The following APBA2 variants were observed in gnomAD, a reference collection of about 807,000 sequenced individuals.
APBA2 encodes amyloid-beta A4 precursor protein-binding family A member 2.
Under a neutral mutation model 75.0 loss-of-function variants are expected in APBA2, and 30 were observed. That is an observed-to-expected ratio of 0.40 (90% CI 0.30 to 0.54). The LOEUF is 0.54. APBA2 is among the 20% of genes least tolerant of loss of function. The pLI, the probability that APBA2 is intolerant of heterozygous loss-of-function variation, is 0.49. For synonymous variants in APBA2, 444 were observed against 409.6 expected, an observed-to-expected ratio of 1.08 and a Z score of -1.01; for missense variants, 801 against 1,016.1, an observed-to-expected ratio of 0.79 and a Z score of 2.88.
At position 29,054,800 on chromosome 15, in the gene APBA2, A is replaced by G; in HGVS notation, c.916A>G (p.Thr306Ala). The G allele has an allele frequency of 6.2e-7, 1 of 1,601,238 alleles. No homozygotes were observed. The highest frequency in any genetic ancestry group is 1.1e-5 in the South Asian group (1 of 91,012). ...GAGAGGCTTCAAGCCCAAGACCAGG[A>G]CCCCAGAAGAGAGGCTGAAGTGGCC... ...PQRGFKPKTR[T>A]PEERLKWPHE... is the part of the protein sequence containing the mutation. Residue 306 changes from threonine to alanine, a missense_variant, in exon 4 of 15, where the codon ACC becomes GCC. By Grantham distance (58) the Thr-to-Ala change is moderately conservative. Transcript: ENST00000683413. The surrounding 1 kb of genome is among the most constrained non-coding windows in gnomAD (Gnocchi z 6.1).
intron 2 of APBA2, among the ~76,000 whole-genome samples, chr15:28,995,140 C>T (rs2038446673): frequency 6.6e-6 from 1 of 152,178 alleles, no homozygotes; most frequent in African/African-American, 2.4e-5. Flanking sequence ...CCTTGAAACC[C>T]CCGAGCCTGC....
intron 2 of APBA2, among the ~76,000 whole-genome samples, chr15:28,962,516 C>T (rs934371134): frequency 1.3e-5 from 2 of 152,014 alleles, no homozygotes; most frequent in African/African-American, 4.8e-5. Flanking sequence ...TTACAGTGAG[C>T]AGAGATCGCG....
chr15:29,040,883 G>T (rs1220755206), intron 3 of APBA2, among the ~76,000 whole-genome samples: 1 of 152,052 alleles, frequency 6.6e-6, no homozygotes, highest in Non-Finnish European at 1.5e-5. Flanking sequence ...AAGGGAAAAG[G>T]CAATTAACAA....
intron 3 of APBA2, among the ~76,000 whole-genome samples, chr15:29,053,251 G>A (rs1566949062): frequency 6.6e-6 from 1 of 152,150 alleles, no homozygotes; most frequent in Non-Finnish European, 1.5e-5. Flanking sequence ...CCACGCTGGG[G>A]ACTTGTGTAG....
intron 2 of APBA2, among the ~76,000 whole-genome samples, chr15:28,925,487 A>G (rs1323562432): frequency 2.0e-5 from 3 of 152,188 alleles, no homozygotes; most frequent in Non-Finnish European, 2.9e-5. Flanking sequence ...AGTGAAATCT[A>G]TCTTCCTTTT....
chr15:28,969,459 T>A (rs536055428), intron 2 of APBA2, among the ~76,000 whole-genome samples: 1 of 152,080 alleles, frequency 6.6e-6, no homozygotes, highest in African/African-American at 2.4e-5. Flanking sequence ...GGATTACAGG[T>A]GTGAGCCACT....
At chr15:28,917,720 A>T (rs1452365451) in intron 1 of APBA2, among the ~76,000 whole-genome samples, 1 of 152,134 alleles carries the variant, frequency 6.6e-6, no homozygotes, top group Non-Finnish European at 1.5e-5. Context: ...TGTATATTTT[A>T]TGAGTTTTGA....
intron 1 of APBA2, among the ~76,000 whole-genome samples, chr15:28,903,934 G>A (rs2033004368): frequency 6.6e-6 from 1 of 152,104 alleles, no homozygotes; most frequent in South Asian, 2.1e-4. Context: ...ATTCCTACGG[G>A]TCTTACCACT....
At chr15:29,113,550 C>A (rs772019213) in intron 13 of APBA2, among the ~76,000 whole-genome samples, 51 of 152,108 alleles carry the variant, frequency 3.4e-4, no homozygotes, top group Admixed American at 7.9e-4. Context: ...CCGTAGGAGG[C>A]CAGGTGGCAG....
intron 1 of APBA2, among the ~76,000 whole-genome samples, chr15:28,897,515 G>A (rs1370036367): frequency 6.6e-6 from 1 of 150,394 alleles, no homozygotes; most frequent in East Asian, 2.0e-4. Context: ...CTACTCGGGA[G>A]GTTGAGGTGG....
chr15:29,098,331 G>A (rs1316954009), intron 8 of APBA2, among the ~76,000 whole-genome samples, 159 bp from the exon 9 acceptor site: 1 of 152,122 alleles, frequency 6.6e-6, no homozygotes, highest in Non-Finnish European at 1.5e-5. Flanking sequence ...TCTTTTTGAC[G>A]AGAGCCATTC....
intron 3 of APBA2, among the ~76,000 whole-genome samples, chr15:29,017,579 C>G (rs1484197874): frequency 1.3e-5 from 2 of 152,016 alleles, no homozygotes; most frequent in Non-Finnish European, 2.9e-5. Flanking sequence ...CCATGTTGGC[C>G]AGGCTGGTCT....
At chr15:29,113,057 G>C (rs1274234750) in intron 13 of APBA2, among the ~76,000 whole-genome samples, 1 of 152,192 alleles carries the variant, frequency 6.6e-6, no homozygotes, top group Non-Finnish European at 1.5e-5. Flanking sequence ...GCTGAGTACT[G>C]TTTCCCTGCA....
intron 3 of APBA2, among the ~76,000 whole-genome samples, chr15:29,033,756 C>T (rs1158415669): frequency 1.3e-5 from 2 of 151,962 alleles, no homozygotes; most frequent in Non-Finnish European, 2.9e-5. Flanking sequence ...GTCAGGAGAT[C>T]GAGACCATCC....
chr15:29,065,395 G>A (rs1424744165), intron 4 of APBA2, among the ~76,000 whole-genome samples: 1 of 152,198 alleles, frequency 6.6e-6, no homozygotes, highest in African/African-American at 2.4e-5. Flanking sequence ...TGATAGCGTG[G>A]TGATGGCAGA....
chr15:29,090,052 C>T (rs992269574), intron 6 of APBA2, among the ~76,000 whole-genome samples: 3 of 152,150 alleles, frequency 2.0e-5, no homozygotes, highest in Admixed American at 1.3e-4. Flanking sequence ...CACACCATGC[C>T]GCCCCCACTG....
intron 3 of APBA2, among the ~76,000 whole-genome samples, chr15:29,008,291 A>G (rs752339498): frequency 1.5e-4 from 23 of 152,206 alleles, no homozygotes; most frequent in Admixed American, 3.9e-4. Flanking sequence ...CAAAGTGAAA[A>G]GAGTTCTGGA....
At chr15:29,025,125 G>T (rs1218942819) in intron 3 of APBA2, among the ~76,000 whole-genome samples, 1 of 119,808 alleles carries the variant, frequency 8.3e-6, no homozygotes, top group Non-Finnish European at 1.5e-5. Flanking sequence ...GTAATACGTG[G>T]TTGTCTCATT....
In APBA2 at chr15:29,039,570, T is replaced by C. The variant is rs143289252; in HGVS notation, c.-40-14275T>C. 2.0e-5 allele frequency among the ~76,000 whole-genome samples: 3 copies of C among 152,112 alleles called. No individual in the cohort carries two copies. The South Asian group carries it at 6.2e-4, about 32-fold the overall frequency. On this transcript the variant is annotated intron_variant, in intron 3 of 14. Transcript: ENST00000683413. ...ATGGAGCTGGGGCAGGATCCAGGAA[T>C]TGATATTTTTTAAACCTCCTCAGGT...
Sources: gnomAD v4.1 joint callset for allele counts (sites outside exome capture counted in the v4.1 genomes callset) on GRCh38, gnomAD v4.1.1 for gene constraint, Gnocchi (gnomAD v3.1) non-coding constraint, MANE v1.5 for transcripts, NCBI Gene and HGNC (gene_info 2026-07-23, HGNC 2026-07-21) for gene names.